The following ADAMTS17 variants were observed in gnomAD, a reference collection of about 807,000 sequenced individuals.
ADAMTS17 encodes the protein ADAM metallopeptidase with thrombospondin type 1 motif 17.
ADAMTS17 carries 113 observed loss-of-function variants against 141.5 expected under a neutral mutation model. The observed-to-expected ratio is 0.80, with a 90% CI of 0.69 to 0.93. ADAMTS17 has a LOEUF of 0.93. Ranked by LOEUF, ADAMTS17 falls within the 40% of genes least tolerant of loss-of-function variation. The pLI is 0.00. For missense variants in ADAMTS17, 1,659 were observed against 1,517.9 expected, an observed-to-expected ratio of 1.09 and a Z score of -1.54; for synonymous variants, 768 against 630.6, an observed-to-expected ratio of 1.22 and a Z score of -3.27.
chr15:100,121,826 C>G (rs10902562), intron 12 of ADAMTS17, among the ~76,000 whole-genome samples: 132,685 of 152,020 alleles, frequency 0.87, 59,787 homozygotes, highest in Non-Finnish European at 0.98. Flanking sequence ...TGCATTCCAC[C>G]TCCCTGTGGA....
At chr15:100,104,029 G>T (rs2036276900) in intron 14 of ADAMTS17, among the ~76,000 whole-genome samples, 1 of 152,186 alleles carries the variant, frequency 6.6e-6, no homozygotes, top group African/African-American at 2.4e-5. Context: ...TACAAATTAT[G>T]GTACCAAGGA....
rs1442207977 is a variant in ADAMTS17 at position 100,335,666 on chromosome 15, G to GGT, written c.451-4613_451-4612insAC. ...AGAAAAGTCTGGGAACAGCCTGCAGGGCAGGAGAAGCGGCCTGTTTTTAAT... is the reference window on the plus strand; with the variant it reads ...AGAAAAGTCTGGGAACAGCCTGCAGGGTGCAGGAGAAGCGGCCTGTTTTTAAT... On this transcript the variant is annotated intron_variant, in intron 2 of 21. Transcript: ENST00000268070. Among the ~76,000 whole-genome samples, 535 of 152,348 alleles carry GGT rather than the reference G, an allele frequency of 3.5e-3. 3 individuals carry two copies. The highest frequency in any genetic ancestry group is 0.012 in the African/African-American group (500 of 41,570).
intron 3 of ADAMTS17, among the ~76,000 whole-genome samples, chr15:100,329,750 C>G (rs1286099765): frequency 1.3e-5 from 2 of 152,146 alleles, no homozygotes; most frequent in Non-Finnish European, 2.9e-5. Flanking sequence ...GCACAATCAC[C>G]TCTAATACTC....
rs1405298906 is a variant in ADAMTS17, at chr15:100,341,216, G to A, written c.273C>T (p.Asp91=). 2.6e-5 allele frequency: 38 copies of A among 1,443,832 alleles called. No homozygotes were observed. Among genetic ancestry groups the A allele is most frequent in the Admixed American group, 4.8e-5 (2 of 41,402 alleles). The allele number at this position is 1,443,832 out of a possible 1,614,324, so 89.4% of individuals were successfully genotyped here. A position where few individuals can be genotyped will look rare whatever the true frequency, so the allele number is the denominator to read the frequency against. Reference sequence around the variant, plus strand: ...GGTCGCGGCGCAGCTGAAGGTACAGGTCGCGCCCGAAGGCCGGCAGGTGCA... The same window carrying A: ...GGTCGCGGCGCAGCTGAAGGTACAGATCGCGCCCGAAGGCCGGCAGGTGCA... The part of the protein sequence containing the change: ...LLLHLPAFGR[D]LYLQLRRDLR... The change falls in exon 2 of 22, where the codon GAC becomes GAT. Residue 91 remains aspartate (D), a synonymous_variant. Coordinates refer to ENST00000268070, the MANE Select transcript of ADAMTS17 (RefSeq NM_139057.4).
At chr15:100,021,839 A>G (rs1030579669) in intron 18 of ADAMTS17, among the ~76,000 whole-genome samples, 3 of 151,800 alleles carry the variant, frequency 2.0e-5, no homozygotes, top group Admixed American at 2.0e-4. Context: ...TCACTCAGAC[A>G]TGCTGGCACC....
intron 15 of ADAMTS17, 29 bp from the exon 16 acceptor site, chr15:100,054,083 C>A: frequency 1.9e-6 from 3 of 1,614,038 alleles, no homozygotes; most frequent in Non-Finnish European, 2.5e-6. Flanking sequence ...ACCAAAGAAT[C>A]AAGGGGCTGG....
chr15:100,325,035 T>C (rs2045856701), intron 3 of ADAMTS17, among the ~76,000 whole-genome samples: 1 of 152,232 alleles, frequency 6.6e-6, no homozygotes, highest in Admixed American at 6.5e-5. Flanking sequence ...GGTCCCTTTG[T>C]GTGGCCCACT....
At chr15:100,133,080 A>T in intron 11 of ADAMTS17, 134 bp downstream of exon 11, 1 of 790,892 alleles carries the variant, frequency 1.3e-6, no homozygotes, top group Non-Finnish European at 2.0e-6. Context: ...AGTGGCCTCC[A>T]TGGGCATTTC....
chr15:100,267,669 GCCCCCCT>G (rs2043764573), intron 4 of ADAMTS17, among the ~76,000 whole-genome samples: 1 of 148,934 alleles, frequency 6.7e-6, no homozygotes, highest in Admixed American at 6.7e-5. Flanking sequence ...CTCAGCCCTT[GCCCCCCT>G]CCCTGTCTCC....
chr15:100,027,352 C>G (rs910129267), intron 18 of ADAMTS17, among the ~76,000 whole-genome samples: 2 of 151,922 alleles, frequency 1.3e-5, no homozygotes, highest in Non-Finnish European at 2.9e-5. Context: ...ATTTTTCATT[C>G]CTGTATCTAA....
intron 18 of ADAMTS17, among the ~76,000 whole-genome samples, chr15:100,030,823 G>T (rs1306163682): frequency 6.6e-6 from 1 of 152,144 alleles, no homozygotes; most frequent in Non-Finnish European, 1.5e-5. Context: ...TACCAGCATG[G>T]GTTTAGATTA....
At chr15:100,264,606 G>C (rs2043644534) in intron 4 of ADAMTS17, among the ~76,000 whole-genome samples, 1 of 152,212 alleles carries the variant, frequency 6.6e-6, no homozygotes, top group Non-Finnish European at 1.5e-5. Flanking sequence ...GCAAGGAACA[G>C]TGCAAGTTTC....
At chr15:100,152,825 T>TTC in intron 9 of ADAMTS17, 63 bp from the exon 10 acceptor site, 1 of 1,477,020 alleles carries the variant, frequency 6.8e-7, no homozygotes, top group South Asian at 1.2e-5. Flanking sequence ...TGTTTTCTTT[T>TTC]TCTTTTTTTT....
intron 3 of ADAMTS17, among the ~76,000 whole-genome samples, chr15:100,282,609 A>G (rs939442548): frequency 2.0e-5 from 3 of 152,220 alleles, no homozygotes; most frequent in African/African-American, 4.8e-5. Context: ...CCTATTTTTG[A>G]TGCCTGGTTG....
At chr15:100,004,617 CTT>C (rs10591279) in intron 18 of ADAMTS17, among the ~76,000 whole-genome samples, 6,244 of 115,956 alleles carry the variant, frequency 0.054, 182 homozygotes, top group African/African-American at 0.18. Flanking sequence ...TACTGTAATT[CTT>C]TTTTTTTTTT....
chr15:100,090,792 G>A (rs747222426), intron 15 of ADAMTS17, among the ~76,000 whole-genome samples: 1 of 152,050 alleles, frequency 6.6e-6, no homozygotes, highest in Non-Finnish European at 1.5e-5. Flanking sequence ...TGGATCATGA[G>A]GTCAGGAGTT....
chr15:100,030,311 C>T (rs758805403), intron 18 of ADAMTS17, among the ~76,000 whole-genome samples: 2 of 152,166 alleles, frequency 1.3e-5, no homozygotes, highest in Non-Finnish European at 2.9e-5. Flanking sequence ...CCCTTAATGT[C>T]GTAAGGAATT....
At chr15:100,321,682 A>G (rs1236391211) in intron 3 of ADAMTS17, among the ~76,000 whole-genome samples, 1 of 152,226 alleles carries the variant, frequency 6.6e-6, no homozygotes, top group Non-Finnish European at 1.5e-5. Flanking sequence ...ACCAAACAAT[A>G]CTGCCTCACA....
intron 3 of ADAMTS17, among the ~76,000 whole-genome samples, chr15:100,328,426 G>A (rs34674699): frequency 0.25 from 37,522 of 152,094 alleles, 5,142 homozygotes; most frequent in South Asian, 0.43. Context: ...TCTCCTCTGT[G>A]TCTGTGTTCC....
Sources: gnomAD v4.1 joint callset for allele counts (sites outside exome capture counted in the v4.1 genomes callset) on GRCh38, gnomAD v4.1.1 for gene constraint, MANE v1.5 for transcripts, NCBI Gene and HGNC (gene_info 2026-07-23, HGNC 2026-07-21) for gene names.